The following COL24A1 variants were observed in gnomAD, a reference collection of about 807,000 sequenced individuals.
COL24A1 encodes collagen type XXIV alpha 1 chain.
COL24A1 carries 224 observed loss-of-function variants against 253.9 expected under a neutral mutation model. The observed-to-expected ratio is 0.88, with a 90% CI of 0.79 to 0.99. The LOEUF (loss-of-function observed/expected upper bound fraction) is 0.99, where lower values mean the gene tolerates loss of function less well. Among genes scored for constraint, COL24A1 ranks in the 50% least tolerant of loss-of-function variants. The pLI is 0.00. For missense variants in COL24A1, 2,131 were observed against 2,068.5 expected (o/e 1.03, Z -0.59); for synonymous variants, 685 against 673.7 (o/e 1.02, Z -0.26).
intron 53 of COL24A1, among the ~76,000 whole-genome samples, chr1:85,771,777 T>TA (rs200588566): frequency 0.13 from 15,094 of 114,788 alleles, 1,149 homozygotes; most frequent in East Asian, 0.44. Context: ...TTGCCTGACT[T>TA]TTTTATTTAT....
intron 32 of COL24A1, among the ~76,000 whole-genome samples, 183 bp from the exon 33 acceptor site, chr1:85,877,358 A>G (rs1367932977): frequency 6.6e-6 from 1 of 151,964 alleles, no homozygotes; most frequent in East Asian, 1.9e-4. Flanking sequence ...TGATTCATGT[A>G]TGTGTGTGTG....
chr1:85,913,311 A>G (rs941257298), intron 24 of COL24A1, among the ~76,000 whole-genome samples: 9 of 152,150 alleles, frequency 5.9e-5, no homozygotes, highest in African/African-American at 2.2e-4. Flanking sequence ...AATACTTTGC[A>G]GGGTTGGGGC....
intron 53 of COL24A1, among the ~76,000 whole-genome samples, chr1:85,766,545 G>T (rs1255826684): frequency 1.3e-5 from 2 of 151,828 alleles, no homozygotes; most frequent in Non-Finnish European, 2.9e-5. Context: ...TCTCAGTGGT[G>T]GAAAGGACCT....
At chr1:86,044,146 T>C (rs1699724266) in intron 12 of COL24A1, among the ~76,000 whole-genome samples, 1 of 152,224 alleles carries the variant, frequency 6.6e-6, no homozygotes, top group South Asian at 2.1e-4. Context: ...TTACTGTTAT[T>C]AAAACAGTAA....
At chr1:86,014,784 A>G (rs921529290) in intron 19 of COL24A1, among the ~76,000 whole-genome samples, 2 of 151,902 alleles carry the variant, frequency 1.3e-5, no homozygotes, top group Non-Finnish European at 2.9e-5. Flanking sequence ...TTTCCTTTCT[A>G]TTGTCACAGG....
intron 2 of COL24A1, among the ~76,000 whole-genome samples, chr1:86,127,262 ACG>A (rs1164017283): frequency 1.3e-5 from 2 of 152,062 alleles, no homozygotes; most frequent in Non-Finnish European, 2.9e-5. Flanking sequence ...ATTATGTAAT[ACG>A]CATTTTATAT....
intron 28 of COL24A1, among the ~76,000 whole-genome samples, chr1:85,904,852 A>T (rs1001524448): frequency 6.6e-6 from 1 of 152,132 alleles, no homozygotes; most frequent in African/African-American, 2.4e-5. Context: ...TGCAGTTTAG[A>T]TGTAAGAGAT....
intron 20 of COL24A1, among the ~76,000 whole-genome samples, chr1:85,977,310 A>G (rs950549558): frequency 2.0e-5 from 3 of 152,208 alleles, no homozygotes; most frequent in African/African-American, 7.2e-5. Flanking sequence ...TGACAAAATA[A>G]GGTTCTATTA....
At chr1:85,951,758 C>G (rs1402426067) in intron 24 of COL24A1, among the ~76,000 whole-genome samples, 1 of 152,048 alleles carries the variant, frequency 6.6e-6, no homozygotes, top group Non-Finnish European at 1.5e-5. Flanking sequence ...TTGATTTTAT[C>G]AACATACCAG....
chr1:85,969,801 G>C (rs1691963582), intron 22 of COL24A1, among the ~76,000 whole-genome samples: 1 of 151,710 alleles, frequency 6.6e-6, no homozygotes, highest in African/African-American at 2.4e-5. Context: ...TCTAGAACTT[G>C]AAAACAAATA....
At chr1:85,945,002 GTTTTTTTTTTTTTTTTTTTT>G (rs1165341082) in intron 24 of COL24A1, among the ~76,000 whole-genome samples, 1 of 35,366 alleles carries the variant, frequency 2.8e-5, no homozygotes, top group Non-Finnish European at 4.8e-5. Flanking sequence ...CTATCATTGT[GTTTTTTTTTTTTTTTTTTTT>G]TTTTTTTTTT....
intron 32 of COL24A1, among the ~76,000 whole-genome samples, chr1:85,885,357 T>C (rs1418947962): frequency 1.3e-5 from 2 of 149,580 alleles, no homozygotes; most frequent in Admixed American, 1.4e-4. Context: ...CCCACCACCA[T>C]GGCTGGCTAA....
chr1:85,813,806 C>T (rs112257020), intron 47 of COL24A1, among the ~76,000 whole-genome samples: 8,932 of 151,990 alleles, frequency 0.059, 889 homozygotes, highest in African/African-American at 0.2. Flanking sequence ...CCGCCTCGGC[C>T]TCCCAAAGTG....
chr1:86,144,861 CT>C (rs1651657110), intron 2 of COL24A1, among the ~76,000 whole-genome samples: 1 of 152,054 alleles, frequency 6.6e-6, no homozygotes. Flanking sequence ...AGCACAGTGA[CT>C]AGTAGCTCAT....
chr1:85,814,917 T>C (rs1049022632), intron 47 of COL24A1, among the ~76,000 whole-genome samples: 3 of 152,172 alleles, frequency 2.0e-5, no homozygotes, highest in Admixed American at 6.5e-5. Flanking sequence ...TCTGGATTAG[T>C]AGTATTTTAG....
chr1:85,852,099 T>C (rs1011035615), intron 37 of COL24A1, among the ~76,000 whole-genome samples: 1 of 152,184 alleles, frequency 6.6e-6, no homozygotes, highest in Non-Finnish European at 1.5e-5. Context: ...GCGGGGTGTG[T>C]GTTTGTGTGT....
At chr1:85,765,563 A>T (rs202159043) in intron 53 of COL24A1, among the ~76,000 whole-genome samples, 3 of 4,664 alleles carry the variant, frequency 6.4e-4, no homozygotes, top group Non-Finnish European at 2.6e-3. Context: ...AAATCATTAA[A>T]TAAATAAATA....
rs560400041 is a variant in COL24A1 at position 85,880,668 on chromosome 1, T to A, written c.2977-3493A>T. On this transcript the variant is annotated intron_variant, in intron 32 of 59. Transcript: ENST00000370571. ...GTATAATGTTGGCTATAAGGTTTTT[T>A]AAAAAATATGTTTTTCAAAAAGCTG... Among the ~76,000 whole-genome samples, 7 of 152,192 alleles carry A rather than the reference T, an allele frequency of 4.6e-5. No homozygotes were observed. In the South Asian group the frequency reaches 6.2e-4, roughly 14 times the overall value.
chr1:86,112,403 C>A (rs893954569), intron 5 of COL24A1, among the ~76,000 whole-genome samples, 164 bp downstream of exon 5: 1 of 152,184 alleles, frequency 6.6e-6, no homozygotes, highest in African/African-American at 2.4e-5. Flanking sequence ...AGGAACCTAG[C>A]TCTCTGCCAG....
Sources: gnomAD v4.1 joint callset for allele counts (sites outside exome capture counted in the v4.1 genomes callset) on GRCh38, gnomAD v4.1.1 for gene constraint, MANE v1.5 for transcripts, NCBI Gene and HGNC (gene_info 2026-07-23, HGNC 2026-07-21) for gene names.